Variants in LIMS1 observed in about 807,000 individuals in gnomAD.
LIMS1 encodes the protein LIM and senescent cell antigen-like-containing domain protein 1.
In LIMS1, 18 loss-of-function variants were observed where a neutral mutation model predicts 44.1. That is an observed-to-expected ratio of 0.41 (90% CI 0.28 to 0.61). The LOEUF is 0.61. LIMS1 is among the 20% of genes least tolerant of loss of function. LIMS1 has a pLI of 0.32. For synonymous variants in LIMS1, 93 were observed against 149.1 expected (o/e 0.62, Z 2.74); for missense variants, 201 against 422.0 (o/e 0.48, Z 4.59).
intron 1 of LIMS1, among the ~76,000 whole-genome samples, chr2:108,537,169 C>T (rs1440876976): frequency 1.3e-5 from 2 of 152,148 alleles, no homozygotes; most frequent in African/African-American, 4.8e-5. Flanking sequence ...TCAACACAGT[C>T]CACAATGCTA....
intron 1 of LIMS1, among the ~76,000 whole-genome samples, chr2:108,609,309 C>A (rs1482417249): frequency 6.6e-6 from 1 of 152,158 alleles, no homozygotes; most frequent in African/African-American, 2.4e-5. Flanking sequence ...TCCCCCATGG[C>A]AGGTGTTGCT....
chr2:108,575,350 G>A (rs1303304700), intron 1 of LIMS1, among the ~76,000 whole-genome samples: 1 of 152,184 alleles, frequency 6.6e-6, no homozygotes, highest in Non-Finnish European at 1.5e-5. Flanking sequence ...AGCCAACGTG[G>A]TGTTGATGGC....
intron 1 of LIMS1, among the ~76,000 whole-genome samples, chr2:108,639,404 G>A (rs796675903): frequency 9.2e-5 from 14 of 152,330 alleles, no homozygotes; most frequent in African/African-American, 3.4e-4. Context: ...AAGTCACCTT[G>A]CAACAACCCT....
intron 1 of LIMS1, among the ~76,000 whole-genome samples, chr2:108,576,342 A>G (rs554470279): frequency 2.0e-5 from 3 of 152,228 alleles, no homozygotes; most frequent in African/African-American, 7.2e-5. Flanking sequence ...GGCTCAAGCA[A>G]TCCTCCTGCC....
intron 1 of LIMS1, among the ~76,000 whole-genome samples, chr2:108,545,961 A>G (rs1231444538): frequency 2.0e-5 from 3 of 152,216 alleles, no homozygotes; most frequent in African/African-American, 7.2e-5. Context: ...CTGTACTTCT[A>G]AAAAGAGAAG....
At chr2:108,675,139 G>A (rs1692445251) in intron 5 of LIMS1, among the ~76,000 whole-genome samples, 1 of 151,996 alleles carries the variant, frequency 6.6e-6, no homozygotes, top group Admixed American at 6.6e-5. Context: ...TGCTTGGAAA[G>A]GTCGTGTGTT....
In LIMS1 at chr2:108,559,989, G is replaced by A. The variant is rs569616963; in HGVS notation, c.32+25395G>A. 5.8e-4 allele frequency among the ~76,000 whole-genome samples: 85 copies of A among 146,536 alleles called. No individual in the cohort carries two copies. In the South Asian group the frequency reaches 9.6e-3, roughly 17 times the overall value. ...TGGAGTCCTGGGTTCTCCCCACGTTGGAGCATCCTTTGCTCCCTCATTTCC... is the reference window on the plus strand; with the variant it reads ...TGGAGTCCTGGGTTCTCCCCACGTTAGAGCATCCTTTGCTCCCTCATTTCC... On this transcript the variant is annotated intron_variant, in intron 1 of 9. Coordinates refer to ENST00000544547, the Ensembl canonical transcript of LIMS1.
intron 1 of LIMS1, among the ~76,000 whole-genome samples, chr2:108,627,713 A>G (rs1038628742): frequency 1.2e-4 from 18 of 152,176 alleles, no homozygotes; most frequent in African/African-American, 4.1e-4. Flanking sequence ...TTTATTCTAC[A>G]TGTATGTATC....
chr2:108,587,865 T>C (rs1686184203), intron 1 of LIMS1, among the ~76,000 whole-genome samples: 2 of 152,192 alleles, frequency 1.3e-5, no homozygotes. Context: ...TTTCCGCTGC[T>C]GGGGCAGCCA....
chr2:108,548,054 T>C (rs1325530448), intron 1 of LIMS1, among the ~76,000 whole-genome samples: 1 of 152,196 alleles, frequency 6.6e-6, no homozygotes, highest in East Asian at 1.9e-4. Flanking sequence ...AGGAGCTTTG[T>C]GACTAGCCCC....
At chr2:108,672,185 A>G (rs940773078) in intron 3 of LIMS1, 140 bp from the exon 4 acceptor site, 8 of 1,214,486 alleles carry the variant, frequency 6.6e-6, no homozygotes, top group Non-Finnish European at 7.8e-6. Flanking sequence ...AAAAAAAAAA[A>G]AAAGTTCCTC....
At chr2:108,569,403 C>A (rs1279555587) in intron 1 of LIMS1, among the ~76,000 whole-genome samples, 1 of 152,078 alleles carries the variant, frequency 6.6e-6, no homozygotes, top group Non-Finnish European at 1.5e-5. Flanking sequence ...ATTGGGAAAC[C>A]GTTGCCTAGT....
At chr2:108,669,023 C>T (rs187320838) in intron 2 of LIMS1, among the ~76,000 whole-genome samples, 12 of 152,196 alleles carry the variant, frequency 7.9e-5, no homozygotes, top group African/African-American at 2.9e-4. Flanking sequence ...CACTTGAGCC[C>T]AAGCGTTCAA....
At chr2:108,638,810 G>A (rs1389205972) in intron 1 of LIMS1, among the ~76,000 whole-genome samples, 2 of 151,712 alleles carry the variant, frequency 1.3e-5, no homozygotes, top group African/African-American at 2.4e-5. Flanking sequence ...TGGAGAGGCC[G>A]AGGCGGGTGG....
At chr2:108,611,739 C>T (rs921656093) in intron 1 of LIMS1, among the ~76,000 whole-genome samples, 1 of 150,534 alleles carries the variant, frequency 6.6e-6, no homozygotes, top group African/African-American at 2.4e-5. Context: ...ATTAGCTGGG[C>T]GTGGTGGCAT....
chr2:108,618,597 C>T (rs1175896745), intron 1 of LIMS1, among the ~76,000 whole-genome samples: 2 of 152,050 alleles, frequency 1.3e-5, no homozygotes, highest in South Asian at 2.1e-4. Context: ...GAGGCTGAGG[C>T]GGGCAGATCA....
intron 1 of LIMS1, among the ~76,000 whole-genome samples, chr2:108,591,211 G>A (rs1012357088): frequency 4.6e-5 from 7 of 152,182 alleles, no homozygotes; most frequent in Non-Finnish European, 7.3e-5. Context: ...TGACATTTGA[G>A]TGGTTGCCCC....
intron 1 of LIMS1, among the ~76,000 whole-genome samples, chr2:108,551,889 A>G (rs1023520545): frequency 6.3e-4 from 91 of 144,098 alleles, no homozygotes; most frequent in Non-Finnish European, 1.0e-3. Context: ...ATATATGTGT[A>G]TATACATGTA....
At chr2:108,591,949 C>A (rs948052654) in intron 1 of LIMS1, among the ~76,000 whole-genome samples, 1 of 152,016 alleles carries the variant, frequency 6.6e-6, no homozygotes, top group Non-Finnish European at 1.5e-5. Context: ...CACGCACCAC[C>A]ATGCCCGGCT....
Sources: allele counts gnomAD v4.1 joint callset (sites outside exome capture counted in the v4.1 genomes callset), GRCh38; gene constraint gnomAD v4.1.1; transcripts MANE v1.5; gene names NCBI Gene and HGNC (gene_info 2026-07-23, HGNC 2026-07-21).